DNM1L: variants seen among roughly 807,000 people sequenced by gnomAD.
DNM1L encodes dynamin 1L, also known as dynamin-1-like protein.
In DNM1L, 33 loss-of-function variants were observed where a neutral mutation model predicts 92.8. The ratio of observed to expected loss-of-function variants is 0.36; its 90% confidence interval spans 0.27 to 0.48. The LOEUF (loss-of-function observed/expected upper bound fraction) is 0.48, where lower values mean the gene tolerates loss of function less well. DNM1L is among the 20% of genes least tolerant of loss of function. DNM1L has a pLI of 0.99. For missense variants in DNM1L, 485 were observed against 888.8 expected (o/e 0.55, Z 5.78); for synonymous variants, 284 against 305.0 (o/e 0.93, Z 0.72).
At chr12:32,720,608 A>C (rs2137434858) in intron 7 of DNM1L, 56 bp from the exon 8 acceptor site, 1 of 1,611,670 alleles carries the variant, frequency 6.2e-7, no homozygotes, top group South Asian at 1.1e-5. Context: ...TCATCATCTA[A>C]GGTAGGAAGA....
chr12:32,682,780 T>G (rs1208235525), intron 1 of DNM1L, among the ~76,000 whole-genome samples: 1 of 152,166 alleles, frequency 6.6e-6, no homozygotes. Flanking sequence ...GGCTAGGGAC[T>G]TGGAGGAGTG....
chr12:32,737,990 C>A, intron 15 of DNM1L, 48 bp downstream of exon 15: 1 of 1,569,794 alleles, frequency 6.4e-7, no homozygotes, highest in Non-Finnish European at 8.8e-7. Context: ...TTCTCTGGTA[C>A]AACATAATCT....
At chr12:32,739,924 T>G (rs958635582) in intron 16 of DNM1L, 140 bp from the exon 17 acceptor site, 4 of 1,034,968 alleles carry the variant, frequency 3.9e-6, no homozygotes, top group Non-Finnish European at 5.8e-6. Context: ...ACCTAGTGTC[T>G]CCTTCTGACC....
intron 18 of DNM1L, among the ~76,000 whole-genome samples, chr12:32,741,983 T>A (rs1342821450): frequency 6.6e-6 from 1 of 152,224 alleles, no homozygotes; most frequent in Non-Finnish European, 1.5e-5. Context: ...AGATATACTG[T>A]GTTTAAGCAT....
chr12:32,695,138 C>T (rs11052183), intron 1 of DNM1L, among the ~76,000 whole-genome samples: 23,397 of 152,000 alleles, frequency 0.15, 1,910 homozygotes, highest in Middle Eastern at 0.21. Context: ...GGCCAAGATA[C>T]CTCAGAAAGC....
chr12:32,720,583 C>A, intron 7 of DNM1L, 81 bp from the exon 8 acceptor site: 1 of 1,578,970 alleles, frequency 6.3e-7, no homozygotes. Flanking sequence ...TATTAGAGAA[C>A]AATGCCTGGT....
chr12:32,708,497 G>T (rs1238605162), intron 4 of DNM1L, among the ~76,000 whole-genome samples: 1 of 152,070 alleles, frequency 6.6e-6, no homozygotes, highest in Non-Finnish European at 1.5e-5. Flanking sequence ...TTCCTGTCAT[G>T]TACATGCCAC....
intron 1 of DNM1L, among the ~76,000 whole-genome samples, chr12:32,693,668 C>G (rs1039282420): frequency 2.6e-5 from 4 of 152,142 alleles, no homozygotes; most frequent in South Asian, 2.1e-4. Flanking sequence ...GACAGGGTCT[C>G]ACTCTCTTGC....
chr12:32,702,717 G>A (rs1208237018), intron 2 of DNM1L, among the ~76,000 whole-genome samples: 9 of 151,920 alleles, frequency 5.9e-5, no homozygotes. Flanking sequence ...AAAACCTCAT[G>A]AGCATCTGCT....
chr12:32,718,026 A>AG (rs1592626703), intron 6 of DNM1L, among the ~76,000 whole-genome samples: 1 of 127,184 alleles, frequency 7.9e-6, no homozygotes, highest in South Asian at 2.3e-4. Flanking sequence ...TATATATTAT[A>AG]AATATATACT....
intron 1 of DNM1L, 105 bp downstream of exon 1, chr12:32,679,570 C>T (rs1184469574): frequency 2.7e-6 from 4 of 1,457,890 alleles, no homozygotes; most frequent in Middle Eastern, 2.4e-4. Context: ...CCGCGCCAGC[C>T]TTTGGGGCCT....
At chr12:32,685,655 G>A (rs1167150738) in intron 1 of DNM1L, among the ~76,000 whole-genome samples, 3 of 151,796 alleles carry the variant, frequency 2.0e-5, no homozygotes, top group Non-Finnish European at 4.4e-5. Flanking sequence ...GAGCTGCTGC[G>A]CCCAGCCGTG....
At chr12:32,712,114 C>T (rs969690390) in intron 5 of DNM1L, among the ~76,000 whole-genome samples, 20 of 152,124 alleles carry the variant, frequency 1.3e-4, no homozygotes, top group Non-Finnish European at 7.4e-5. Context: ...AATAATAGGT[C>T]GTCCTTGTGA....
At chr12:32,713,400 G>A in intron 6 of DNM1L, 29 bp downstream of exon 6, 2 of 1,611,132 alleles carry the variant, frequency 1.2e-6, no homozygotes, top group South Asian at 1.1e-5. Context: ...TTAATGAGAT[G>A]CTTATTTTAC....
rs373760863 is a variant in DNM1L, at chr12:32,701,276, CA to C, written c.103-124del. On this transcript the variant is annotated intron_variant, in intron 1 of 19. Transcript: ENST00000549701. ...AGCCAACAAGAGCGAAACTCCGTCT[CA>C]AAAAAAAAAAAAAATAGTCTCTGCA... is the stretch of plus-strand genomic sequence containing the variant. 90,988 of 574,040 alleles carry C rather than the reference CA, an allele frequency of 0.16. 37 individuals carry two copies. The highest frequency in any genetic ancestry group is 0.19 in the South Asian group (8,559 of 44,214). The allele number at this position is 574,040 out of a possible 1,614,324, so 35.6% of individuals were successfully genotyped here. A position where few individuals can be genotyped will look rare whatever the true frequency, so the allele number is the denominator to read the frequency against.
intron 12 of DNM1L, 37 bp from the exon 13 acceptor site, chr12:32,733,678 G>T: frequency 6.5e-7 from 1 of 1,528,706 alleles, no homozygotes; most frequent in East Asian, 2.3e-5. Context: ...TATGGTTGAT[G>T]TATTTTTGTA....
intron 15 of DNM1L, 154 bp downstream of exon 15, chr12:32,738,096 C>A: frequency 9.7e-7 from 1 of 1,032,192 alleles, no homozygotes; most frequent in Non-Finnish European, 1.4e-6. Context: ...AATTATATAA[C>A]AATGCAATGC....
At chr12:32,738,942 G>T (rs1955094131) in intron 16 of DNM1L, among the ~76,000 whole-genome samples, 1 of 152,116 alleles carries the variant, frequency 6.6e-6, no homozygotes, top group Middle Eastern at 3.2e-3. Context: ...ACTGTGCTCA[G>T]ATATTAATCA....
intron 9 of DNM1L, chr12:32,726,732 T>C (rs549767412): frequency 3.2e-6 from 2 of 624,580 alleles, no homozygotes; most frequent in Admixed American, 2.9e-5. Context: ...CTGCTGCTGC[T>C]TAATGGTTTT....
Sources: allele counts gnomAD v4.1 joint callset (sites outside exome capture counted in the v4.1 genomes callset), GRCh38; gene constraint gnomAD v4.1.1; transcripts MANE v1.5; gene names NCBI Gene and HGNC (gene_info 2026-07-23, HGNC 2026-07-21).